Variants in CDC123 observed in about 807,000 individuals in gnomAD.
CDC123 encodes translation initiation factor eIF2 assembly protein.
CDC123 carries 37 observed loss-of-function variants against 54.4 expected under a neutral mutation model. That is an observed-to-expected ratio of 0.68 (90% confidence interval 0.52 to 0.89). The LOEUF (loss-of-function observed/expected upper bound fraction) is 0.89, where lower values mean the gene tolerates loss of function less well. CDC123 is among the 40% of genes least tolerant of loss of function. The probability of loss-of-function intolerance (pLI) is 0.00; values close to 1 mark genes in which losing one functional copy is unlikely to be tolerated. For synonymous variants in CDC123, 144 were observed against 136.8 expected (o/e 1.05, Z -0.37); for missense variants, 361 against 412.1 (o/e 0.88, Z 1.07).
chr10:12,210,963 A>G (rs981388831), intron 4 of CDC123, among the ~76,000 whole-genome samples: 6 of 152,130 alleles, frequency 3.9e-5, no homozygotes, highest in African/African-American at 1.4e-4. Flanking sequence ...CGGCCTCCCA[A>G]AGTCCTGAGA....
At chr10:12,232,815 G>C (rs1835919318) in intron 7 of CDC123, among the ~76,000 whole-genome samples, 1 of 149,752 alleles carries the variant, frequency 6.7e-6, no homozygotes, top group South Asian at 2.1e-4. Context: ...ACAGAGTCTT[G>C]CTCTGTCACC....
intron 10 of CDC123, among the ~76,000 whole-genome samples, chr10:12,239,728 GC>G (rs1173018220): frequency 1.9e-4 from 28 of 147,008 alleles, no homozygotes; most frequent in Admixed American, 6.1e-4. Context: ...AAAAAAAGGG[GC>G]CGGGCGCGGT....
chr10:12,214,090 T>C (rs1036293968), intron 4 of CDC123, among the ~76,000 whole-genome samples: 18 of 152,184 alleles, frequency 1.2e-4, no homozygotes, highest in African/African-American at 4.3e-4. Context: ...AGGATTCTTA[T>C]GGCAGGTTAT....
chr10:12,213,135 T>G (rs1835624346), intron 4 of CDC123, among the ~76,000 whole-genome samples: 1 of 152,060 alleles, frequency 6.6e-6, no homozygotes, highest in Non-Finnish European at 1.5e-5. Flanking sequence ...AATTAGTGGG[T>G]GAATATACAG....
chr10:12,210,085 T>C (rs1377795690), intron 3 of CDC123, 61 bp downstream of exon 3: 2 of 1,553,196 alleles, frequency 1.3e-6, no homozygotes, highest in African/African-American at 1.4e-5. Flanking sequence ...ATCTCTGAGA[T>C]GGTTCTGACT....
In CDC123 at chr10:12,215,278, C is replaced by G. The variant is rs956082373; in HGVS notation, c.238-462C>G. ...TGCCACATCATTTATTTTTCATTCT[C>G]TCCGTGGCTTTGGGGAATACCATAT... On this transcript the variant is annotated intron_variant, in intron 4 of 12. Transcript: ENST00000281141. Among the ~76,000 whole-genome samples the G allele has an allele frequency of 3.3e-5, 5 of 152,156 alleles. No individual in the cohort carries two copies. In the East Asian group the frequency reaches 7.7e-4, roughly 23 times the overall value.
chr10:12,202,147 T>C (rs1181161986), intron 2 of CDC123, among the ~76,000 whole-genome samples: 1 of 152,156 alleles, frequency 6.6e-6, no homozygotes, highest in Non-Finnish European at 1.5e-5. Flanking sequence ...ACATTTATGA[T>C]AAAATGTATA....
intron 6 of CDC123, among the ~76,000 whole-genome samples, chr10:12,219,690 G>GTTT (rs56171325): frequency 0.6 from 86,057 of 144,388 alleles, 29,055 homozygotes; most frequent in Non-Finnish European, 0.76. Flanking sequence ...ACTGATAATG[G>GTTT]TTTTTTTTTT....
At position 12,209,992 on chromosome 10, in the gene CDC123, C is replaced by T. The variant is rs766413197; in HGVS notation, c.172C>T (p.Pro58Ser). ...GRDDPPTHSQPDSDDEAEEIQ... is the reference protein window; with the variant it reads ...GRDDPPTHSQSDSDDEAEEIQ... ...GGATGATCCACCAACACATTCTCAG[C>T]CAGACAGTGATGATGAAGCAGAAGA... is the stretch of plus-strand genomic sequence containing the variant. The change falls in exon 3 of 13, where the codon CCA (proline) becomes TCA (serine). Residue 58 changes from proline to serine, a missense_variant. Pro to Ser is a moderately conservative substitution (Grantham distance 74, BLOSUM62 -1). Coordinates refer to ENST00000281141, the MANE Select transcript of CDC123 (RefSeq NM_006023.3). The T allele has an allele frequency of 1.2e-6, 2 of 1,614,070 alleles. No homozygotes were observed. Among genetic ancestry groups the T allele is most frequent in the Non-Finnish European group, 1.7e-6 (2 of 1,179,994 alleles).
chr10:12,207,683 C>T (rs936269902), intron 2 of CDC123, among the ~76,000 whole-genome samples: 17 of 152,138 alleles, frequency 1.1e-4, no homozygotes, highest in African/African-American at 3.4e-4. Flanking sequence ...CAGAAGAATC[C>T]TTTAATCTGT....
At position 12,249,967 on chromosome 10, in the gene CDC123, T is replaced by C. The variant is rs1055220414; in HGVS notation, c.984+249T>C. 7.6e-5 allele frequency: 39 copies of C among 510,436 alleles called. No homozygotes were observed. In the South Asian group the frequency reaches 1.4e-3, roughly 18 times the overall value. 31.6% of individuals were successfully genotyped at this position (510,436 alleles called of 1,614,324 possible). A position where few individuals can be genotyped will look rare whatever the true frequency, so the allele number is the denominator to read the frequency against. ...TTTTGAACATTTTTCAAAATACTTG[T>C]AACTTTGAAGAAAGTGTGTATATTG... On this transcript the variant is annotated intron_variant, in intron 12 of 12. Transcript: ENST00000281141.
intron 2 of CDC123, among the ~76,000 whole-genome samples, chr10:12,208,780 T>G (rs1835554777): frequency 1.3e-5 from 2 of 152,176 alleles, no homozygotes; most frequent in African/African-American, 4.8e-5. Context: ...CTTTTTGCTT[T>G]CTTCTGCTCC....
rs371804087 is a variant in CDC123 at position 12,206,876 on chromosome 10, C to A, written c.147-3091C>A. Reference sequence around the variant, plus strand: ...CGGGAGGCTGAGGCAGGAGAATGGCCTGAACCCGGGAGGTAGACCTTGCAA... The same window carrying A: ...CGGGAGGCTGAGGCAGGAGAATGGCATGAACCCGGGAGGTAGACCTTGCAA... On this transcript the variant is annotated intron_variant, in intron 2 of 12. Transcript: ENST00000281141. Among the ~76,000 whole-genome samples, 5 of 150,454 alleles carry A rather than the reference C, an allele frequency of 3.3e-5. No homozygotes were observed. The East Asian group carries it at 5.9e-4, about 18-fold the overall frequency.
In CDC123 at chr10:12,231,712, A is replaced by G. The variant is rs576780245; in HGVS notation, c.489+716A>G. ...ATGAGTTTAAACATAGTAAGCCTCAATTTTTATTCCAGATTTTCCTAGTTT... is the reference window on the plus strand; with the variant it reads ...ATGAGTTTAAACATAGTAAGCCTCAGTTTTTATTCCAGATTTTCCTAGTTT... On this transcript the variant is annotated intron_variant, in intron 7 of 12. Transcript: ENST00000281141. 1.2e-3 allele frequency among the ~76,000 whole-genome samples: 179 copies of G among 152,240 alleles called. 2 individuals are homozygous for G. Among genetic ancestry groups the G allele is most frequent in the African/African-American group, 4.1e-3 (172 of 41,556 alleles).
At chr10:12,239,934 G>T (rs1362180080) in intron 10 of CDC123, among the ~76,000 whole-genome samples, 1 of 151,152 alleles carries the variant, frequency 6.6e-6, no homozygotes, top group African/African-American at 2.4e-5. Flanking sequence ...CGTGAACCCG[G>T]GAGGCGGAGC....
intron 2 of CDC123, among the ~76,000 whole-genome samples, chr10:12,206,858 C>G (rs1835529037): frequency 6.6e-6 from 1 of 150,608 alleles, no homozygotes. Context: ...ACTCGGGAGG[C>G]TGAGGCAGGA....
intron 1 of CDC123, among the ~76,000 whole-genome samples, chr10:12,198,228 A>G (rs1473624992): frequency 1.3e-5 from 2 of 152,218 alleles, no homozygotes; most frequent in African/African-American, 4.8e-5. Context: ...ATCCAAAAGT[A>G]TCATGAATTC....
At chr10:12,197,914 T>C (rs937208736) in intron 1 of CDC123, among the ~76,000 whole-genome samples, 2 of 152,170 alleles carry the variant, frequency 1.3e-5, no homozygotes, top group Admixed American at 6.5e-5. Context: ...AAATGAGACA[T>C]GTTATAAGTC....
In CDC123 at chr10:12,249,803, C is replaced by G. The variant is rs530472064; in HGVS notation, c.984+85C>G. The G allele has an allele frequency of 2.3e-5, 34 of 1,482,282 alleles. No individual in the cohort carries two copies. The South Asian group carries it at 4.1e-4, about 18-fold the overall frequency. 91.8% of individuals were successfully genotyped at this position (1,482,282 alleles called of 1,614,324 possible). On this transcript the variant is annotated intron_variant, in intron 12 of 12. Coordinates refer to ENST00000281141, the MANE Select transcript of CDC123 (RefSeq NM_006023.3). ...TTTTATATAATATTTCATTGGAATC[C>G]TGTATCACCTAGACTTTGATGGTTA...
Sources: gnomAD v4.1 joint callset for allele counts (sites outside exome capture counted in the v4.1 genomes callset) on GRCh38, gnomAD v4.1.1 for gene constraint, MANE v1.5 for transcripts, NCBI Gene and HGNC (gene_info 2026-07-23, HGNC 2026-07-21) for gene names.